Variants in KCNB2 observed in about 807,000 individuals in gnomAD.
KCNB2 encodes delayed rectifier potassium channel protein.
In KCNB2, 15 loss-of-function variants were observed where a neutral mutation model predicts 61.5. That is an observed-to-expected ratio of 0.24 (90% confidence interval 0.16 to 0.38). The LOEUF (loss-of-function observed/expected upper bound fraction) is 0.38, where lower values mean the gene tolerates loss of function less well. KCNB2 is among the 10% of genes least tolerant of loss of function. The pLI is 1.00. For missense variants in KCNB2, 828 were observed against 1,125.2 expected, an observed-to-expected ratio of 0.74 and a Z score of 3.78; for synonymous variants, 457 against 446.0, an observed-to-expected ratio of 1.02 and a Z score of -0.31.
chr8:72,920,867 A>T (rs1423855449), intron 2 of KCNB2, among the ~76,000 whole-genome samples: 3 of 152,142 alleles, frequency 2.0e-5, no homozygotes, highest in African/African-American at 7.2e-5. Context: ...AGTCAATAAA[A>T]GATCAAAAAT....
chr8:72,781,888 G>A (rs912091747), intron 2 of KCNB2, among the ~76,000 whole-genome samples: 1 of 152,010 alleles, frequency 6.6e-6, no homozygotes, highest in Non-Finnish European at 1.5e-5. Flanking sequence ...GCATGTTCTC[G>A]CTTATAAGTG....
chr8:72,834,947 T>C (rs180975232), intron 2 of KCNB2, among the ~76,000 whole-genome samples: 41 of 152,326 alleles, frequency 2.7e-4, no homozygotes, highest in African/African-American at 9.6e-4. Context: ...CCAGTGCTAA[T>C]GATTGGAAAA....
At chr8:72,578,037 G>T (rs548761101) in intron 2 of KCNB2, among the ~76,000 whole-genome samples, 1 of 152,272 alleles carries the variant, frequency 6.6e-6, no homozygotes, top group Non-Finnish European at 1.5e-5. Flanking sequence ...GCAACATTTT[G>T]TATAGGACCA....
intron 2 of KCNB2, among the ~76,000 whole-genome samples, chr8:72,743,738 G>A (rs942630878): frequency 6.6e-6 from 1 of 152,034 alleles, no homozygotes; most frequent in Admixed American, 6.6e-5. Flanking sequence ...ATGACATATT[G>A]TATATATACT....
intron 2 of KCNB2, among the ~76,000 whole-genome samples, chr8:72,833,393 A>G (rs189975815): frequency 3.3e-4 from 50 of 152,274 alleles, no homozygotes; most frequent in Admixed American, 2.8e-3. Context: ...ATGTGACACA[A>G]TGTCAACAAG....
rs140712835 is a variant in KCNB2, at chr8:72,658,435, A to G, written c.579+90122A>G. On this transcript the variant is annotated intron_variant, in intron 2 of 2. Transcript: ENST00000523207. The stretch of plus-strand genomic sequence containing the variant: ...TGTTAAAGCTAGCAGAAATCTGTTC[A>G]TGCTGTTAAAAGAAAGAAGCCATCC... Among the ~76,000 whole-genome samples, 11 of 152,318 alleles carry G rather than the reference A, an allele frequency of 7.2e-5. No homozygotes were observed. In the East Asian group the frequency reaches 1.9e-3, roughly 27 times the overall value.
chr8:72,883,316 C>T (rs1032359112), intron 2 of KCNB2, among the ~76,000 whole-genome samples: 5 of 152,162 alleles, frequency 3.3e-5, no homozygotes, highest in Non-Finnish European at 1.5e-5. Flanking sequence ...CTTATCCCGG[C>T]GTAACTACAG....
At position 72,724,798 on chromosome 8, in the gene KCNB2, A is replaced by G. The variant is rs561337059; in HGVS notation, c.579+156485A>G. 2.0e-5 allele frequency among the ~76,000 whole-genome samples: 3 copies of G among 152,302 alleles called. No individual in the cohort carries two copies. In the East Asian group the frequency reaches 5.8e-4, roughly 29 times the overall value. ...TGAGAAATTAAAGCAATTTCCTGAG[A>G]TAATGTAAATGGACGGATCTAGCAT... On this transcript the variant is annotated intron_variant, in intron 2 of 2. Transcript: ENST00000523207.
intron 2 of KCNB2, among the ~76,000 whole-genome samples, chr8:72,853,190 A>C (rs942224158): frequency 1.3e-5 from 2 of 152,174 alleles, no homozygotes; most frequent in African/African-American, 2.4e-5. Context: ...AACTGCTCAG[A>C]GTGTTGGCTC....
intron 1 of KCNB2, among the ~76,000 whole-genome samples, chr8:72,546,637 T>A (rs933504846): frequency 1.2e-4 from 18 of 152,308 alleles, no homozygotes; most frequent in African/African-American, 4.1e-4. Flanking sequence ...AATAGATTTT[T>A]AAAATTTCTT....
At chr8:72,635,838 G>A (rs897530741) in intron 2 of KCNB2, among the ~76,000 whole-genome samples, 4 of 152,118 alleles carry the variant, frequency 2.6e-5, no homozygotes, top group East Asian at 1.9e-4. Flanking sequence ...TCTGCTCTGC[G>A]GCTTGGTGGC....
chr8:72,715,420 T>C (rs1367739678), intron 2 of KCNB2, among the ~76,000 whole-genome samples: 16 of 149,590 alleles, frequency 1.1e-4, no homozygotes, highest in Non-Finnish European at 2.4e-4. Context: ...AGTAAAGCAC[T>C]CCTCAGCAAA....
At chr8:72,561,827 A>G (rs2128978398) in intron 1 of KCNB2, among the ~76,000 whole-genome samples, 1 of 139,862 alleles carries the variant, frequency 7.1e-6, no homozygotes, top group Admixed American at 7.4e-5. Flanking sequence ...TTAACTTGCT[A>G]TAATGTTATT....
chr8:72,581,060 C>G (rs1328187686), intron 2 of KCNB2, among the ~76,000 whole-genome samples: 1 of 152,192 alleles, frequency 6.6e-6, no homozygotes, highest in Non-Finnish European at 1.5e-5. Context: ...GACTACCAAC[C>G]ATTCCTGAAG....
intron 2 of KCNB2, among the ~76,000 whole-genome samples, chr8:72,658,704 C>A (rs1001027399): frequency 6.6e-6 from 1 of 152,164 alleles, no homozygotes; most frequent in African/African-American, 2.4e-5. Flanking sequence ...GTTAATATAG[C>A]TGGTGACTTT....
chr8:72,778,843 G>T (rs1808709416), intron 2 of KCNB2, among the ~76,000 whole-genome samples: 1 of 149,912 alleles, frequency 6.7e-6, no homozygotes, highest in Non-Finnish European at 1.5e-5. Flanking sequence ...CGAGATATCA[G>T]AGTCATATAT....
chr8:72,840,727 T>A (rs1420132475), intron 2 of KCNB2, among the ~76,000 whole-genome samples: 4 of 152,240 alleles, frequency 2.6e-5, no homozygotes, highest in Non-Finnish European at 5.9e-5. Flanking sequence ...TGTCTGTTCA[T>A]ATCCTTTGCG....
intron 2 of KCNB2, among the ~76,000 whole-genome samples, chr8:72,749,017 A>G (rs997485669): frequency 2.6e-5 from 4 of 152,084 alleles, no homozygotes; most frequent in African/African-American, 9.7e-5. Flanking sequence ...CTTCCTCGTA[A>G]TGGTTTTTTC....
intron 2 of KCNB2, among the ~76,000 whole-genome samples, chr8:72,645,408 C>T (rs918101779): frequency 3.9e-5 from 6 of 152,132 alleles, no homozygotes; most frequent in South Asian, 2.1e-4. Flanking sequence ...ATTTTATGCT[C>T]GCAAGTGCAT....
Sources: allele counts gnomAD v4.1 joint callset (sites outside exome capture counted in the v4.1 genomes callset), GRCh38; gene constraint gnomAD v4.1.1; transcripts MANE v1.5; gene names NCBI Gene and HGNC (gene_info 2026-07-23, HGNC 2026-07-21).